Variants in UBR3 observed in about 807,000 individuals in gnomAD.
The protein encoded by UBR3 is ubiquitin protein ligase E3 component n-recognin 3.
In UBR3, 85 loss-of-function variants were observed where a neutral mutation model predicts 243.2. That is an observed-to-expected ratio of 0.35 (90% CI 0.29 to 0.42). The LOEUF (loss-of-function observed/expected upper bound fraction) is 0.42, where lower values mean the gene tolerates loss of function less well. UBR3 is among the 10% of genes least tolerant of loss of function. UBR3 has a pLI of 1.00. For synonymous variants in UBR3, 748 were observed against 799.8 expected (o/e 0.94, Z 1.09); for missense variants, 1,686 against 2,300.8 (o/e 0.73, Z 5.47).
rs544903729 is a variant in UBR3, at chr2:169,868,915, G to A, written c.546-3321G>A. The stretch of plus-strand genomic sequence containing the variant: ...TGTTTCAAGCCTCTTTTAACCTAGA[G>A]TAGCCCTGGTACCCCTTTATTCCCC... On this transcript the variant is annotated intron_variant, in intron 1 of 38. Coordinates refer to ENST00000272793, the MANE Select transcript of UBR3 (RefSeq NM_172070.4). Among the ~76,000 whole-genome samples, 13 of 152,264 alleles carry A rather than the reference G, an allele frequency of 8.5e-5. No individual in the cohort carries two copies. The South Asian group carries it at 2.7e-3, about 32-fold the overall frequency.
At chr2:170,068,754 G>T (rs1301802858) in intron 35 of UBR3, among the ~76,000 whole-genome samples, 1 of 152,056 alleles carries the variant, frequency 6.6e-6, no homozygotes, top group Non-Finnish European at 1.5e-5. Context: ...AAAAAAAAAG[G>T]AGAGGTGGTA....
chr2:169,845,872 C>T (rs1001466069), intron 1 of UBR3, among the ~76,000 whole-genome samples: 4 of 152,118 alleles, frequency 2.6e-5, no homozygotes, highest in African/African-American at 4.8e-5. Flanking sequence ...GTGTGAGCTA[C>T]GGTGCCCAGC....
Position 170,083,128 on chromosome 2 carries a change from T to C in UBR3, c.*1285T>C, listed in dbSNP as rs917503663. 3 of 152,538 alleles carry C rather than the reference T, an allele frequency of 2.0e-5. No homozygotes were observed. Among genetic ancestry groups the C allele is most frequent in the African/African-American group, 7.2e-5 (3 of 41,440 alleles). The allele number at this position is 152,538 out of a possible 1,614,324, so 9.4% of individuals were successfully genotyped here. On this transcript the variant is annotated 3_prime_UTR_variant, in exon 39 of 39. Coordinates refer to ENST00000272793, the MANE Select transcript of UBR3 (RefSeq NM_172070.4). ...TACTTTGGACTTCCATGGCTTGTTA[T>C]ATAAAATTACATTTTTACATGTAAA...
chr2:169,865,671 C>T (rs2083233988), intron 1 of UBR3, among the ~76,000 whole-genome samples: 1 of 152,200 alleles, frequency 6.6e-6, no homozygotes, highest in African/African-American at 2.4e-5. Flanking sequence ...CTTTCCAGCT[C>T]TCAATTCTTT....
intron 1 of UBR3, among the ~76,000 whole-genome samples, chr2:169,864,794 C>G (rs1010978710): frequency 1.3e-5 from 2 of 151,460 alleles, no homozygotes; most frequent in Non-Finnish European, 2.9e-5. Flanking sequence ...GTAGTCCCAG[C>G]TACTCGGAAG....
intron 1 of UBR3, among the ~76,000 whole-genome samples, chr2:169,859,837 C>T (rs2083026261): frequency 6.6e-6 from 1 of 152,122 alleles, no homozygotes; most frequent in Non-Finnish European, 1.5e-5. Flanking sequence ...CTGCCTCAGG[C>T]TCCTGAGTAG....
At position 169,976,700 on chromosome 2, in the gene UBR3, T is replaced by G. The variant is rs2088463852; in HGVS notation, c.3635-9945T>G. Among the ~76,000 whole-genome samples the G allele has an allele frequency of 2.0e-5, 3 of 152,206 alleles. No individual in the cohort carries two copies. In the South Asian group the frequency reaches 6.2e-4, roughly 32 times the overall value. On this transcript the variant is annotated intron_variant, in intron 24 of 38. Transcript: ENST00000272793. ...CTGTTTTTAGAATTGTCTCTGTCTT[T>G]CACTTTTTACAATTTGACTTTGTTT...
chr2:170,074,831 A>G (rs979284728), intron 36 of UBR3, among the ~76,000 whole-genome samples: 2 of 152,032 alleles, frequency 1.3e-5, no homozygotes, highest in African/African-American at 4.8e-5. Flanking sequence ...TCTTTAATGT[A>G]TCTGAATGGG....
chr2:169,958,438 G>C lies in UBR3; in HGVS notation c.3546G>C (p.Arg1182Ser). 1 of 1,612,452 alleles carries C rather than the reference G, an allele frequency of 6.2e-7. No homozygotes were observed. Among genetic ancestry groups the C allele is most frequent in the Non-Finnish European group, 8.5e-7 (1 of 1,179,094 alleles). Reference protein sequence around the residue: ...AEKKTLDKEERRQKARERQQK... With the variant: ...AEKKTLDKEESRQKARERQQK... ...AAAACTTTATTTCTGTTTAATCTAG[G>C]CGACAGAAGGCTAGAGAGAGGCAGC... The change falls in exon 24 of 39, where the codon AGG becomes AGC. Residue 1182 changes from arginine to serine, a missense_variant and splice_region_variant. Coordinates refer to ENST00000272793, the MANE Select transcript of UBR3 (RefSeq NM_172070.4).
rs1453399401 is a variant in UBR3, at chr2:169,895,297, G to C, written c.1222G>C (p.Asp408His). The C allele has an allele frequency of 6.5e-7, 1 of 1,543,196 alleles. No homozygotes were observed. The highest frequency in any genetic ancestry group is 1.4e-5 in the African/African-American group (1 of 72,376). Residue 408 changes from aspartate (D) to histidine (H), a missense_variant, in exon 7 of 39, where the codon GAT (aspartate) becomes CAT (histidine). By Grantham distance (81) the Asp-to-His change is moderately conservative. This residue lies in a region of UBR3 where 200 missense variants were observed against 231.6 expected (regional missense o/e 0.86). Transcript: ENST00000272793. ...AACTTTCTTACTCAACATGCTTCCA[G>C]ATCAAGAGTATAAGGTATCTATATA... ...MVTFLLNMLP[D>H]QEYKVAFTKT... is the part of the protein sequence containing the mutation.
chr2:169,963,092 A>G (rs773309116), intron 24 of UBR3, among the ~76,000 whole-genome samples: 1 of 152,160 alleles, frequency 6.6e-6, no homozygotes, highest in Non-Finnish European at 1.5e-5. Flanking sequence ...TTTGGATAAG[A>G]ATAGGCTGGT....
chr2:169,947,911 C>A, intron 22 of UBR3, 196 bp downstream of exon 22: 1 of 985,088 alleles, frequency 1.0e-6, no homozygotes, highest in Non-Finnish European at 1.2e-6. Context: ...CCAGAGTTCA[C>A]GACGGCCTAA....
At chr2:169,869,403 T>C (rs1378759684) in intron 1 of UBR3, among the ~76,000 whole-genome samples, 2 of 151,818 alleles carry the variant, frequency 1.3e-5, no homozygotes, top group East Asian at 1.9e-4. Flanking sequence ...TTGTATTTTT[T>C]AGTAGAGATG....
intron 24 of UBR3, among the ~76,000 whole-genome samples, chr2:169,976,671 C>T (rs1025431219): frequency 6.6e-6 from 1 of 152,062 alleles, no homozygotes; most frequent in Non-Finnish European, 1.5e-5. Context: ...ATGCTTTTCT[C>T]TTGCTGTTTT....
At chr2:169,957,088 A>AT (rs1162702714) in intron 23 of UBR3, among the ~76,000 whole-genome samples, 5 of 151,964 alleles carry the variant, frequency 3.3e-5, no homozygotes, top group Non-Finnish European at 7.4e-5. Flanking sequence ...CTAACCTTTC[A>AT]TTTTTTCTTC....
chr2:169,902,138 A>T (rs1028633244), intron 8 of UBR3, among the ~76,000 whole-genome samples: 11 of 152,190 alleles, frequency 7.2e-5, no homozygotes, highest in Non-Finnish European at 1.2e-4. Context: ...CTAAAAACCT[A>T]GGAGTTGTCT....
In UBR3 at chr2:169,926,866, G is replaced by A; in HGVS notation, c.2233G>A (p.Ala745Thr). The A allele has an allele frequency of 6.5e-7, 1 of 1,549,416 alleles. No individual in the cohort carries two copies. Among genetic ancestry groups the A allele is most frequent in the Non-Finnish European group, 8.7e-7 (1 of 1,145,470 alleles). ...RFKVVDLLTMASQHQNTVLDA... is the reference protein window; with the variant it reads ...RFKVVDLLTMTSQHQNTVLDA... ...TAAGGTAGTGGATTTGTTGACAATG[G>A]CATCACAACATCAAAATACAGTACT... The change falls in exon 16 of 39, where the codon GCA (alanine) becomes ACA (threonine). Residue 745 changes from alanine (A) to threonine (T), a missense_variant. Around this residue, in one of 8 missense-constraint regions of UBR3, gnomAD observed 346 missense variants for 585.8 expected, o/e 0.59. Coordinates refer to ENST00000272793, the MANE Select transcript of UBR3 (RefSeq NM_172070.4).
intron 8 of UBR3, among the ~76,000 whole-genome samples, chr2:169,898,856 C>G (rs1435707157): frequency 6.6e-6 from 1 of 151,768 alleles, no homozygotes; most frequent in Non-Finnish European, 1.5e-5. Context: ...CACCCACCAC[C>G]ACGCCCAGCT....
At chr2:169,898,863 A>C (rs569473839) in intron 8 of UBR3, among the ~76,000 whole-genome samples, 1 of 145,126 alleles carries the variant, frequency 6.9e-6, no homozygotes, top group Admixed American at 6.9e-5. Context: ...CACCACGCCC[A>C]GCTAATTTTT....
Sources: allele counts gnomAD v4.1 joint callset (sites outside exome capture counted in the v4.1 genomes callset), GRCh38; gene constraint gnomAD v4.1.1; regional missense constraint gnomAD v4.1.1; transcripts MANE v1.5; gene names NCBI Gene and HGNC (gene_info 2026-07-23, HGNC 2026-07-21).